SHANK2: variants seen among roughly 807,000 people sequenced by gnomAD.
The protein encoded by SHANK2 is SH3 and multiple ankyrin repeat domains protein 2.
A neutral mutation model predicts 133.7 loss-of-function variants in SHANK2; 43 were observed. That is an observed-to-expected ratio of 0.32 (90% confidence interval 0.25 to 0.41). The LOEUF is 0.41. Among genes scored for constraint, SHANK2 ranks in the 10% least tolerant of loss-of-function variants. The probability of loss-of-function intolerance (pLI) is 1.00; values close to 1 mark genes in which losing one functional copy is unlikely to be tolerated. For missense variants in SHANK2, 1,994 were observed against 2,235.8 expected (o/e 0.89, Z 2.18); for synonymous variants, 1,017 against 952.8 (o/e 1.07, Z -1.24).
intron 10 of SHANK2, chr11:70,948,417 C>T (rs186258818): frequency 1.2e-4 from 54 of 456,292 alleles, no homozygotes; most frequent in African/African-American, 7.2e-4. Flanking sequence ...ATAATGAATT[C>T]GATCCCTGAT....
At chr11:71,094,950 G>A (rs569372824) in intron 6 of SHANK2, among the ~76,000 whole-genome samples, 31 of 152,322 alleles carry the variant, frequency 2.0e-4, no homozygotes, top group Middle Eastern at 3.4e-3. Flanking sequence ...CTGCTGTGTG[G>A]GCCACAGTCC....
At chr11:71,201,050 G>A (rs188834357) in intron 2 of SHANK2, among the ~76,000 whole-genome samples, 93 of 152,100 alleles carry the variant, frequency 6.1e-4, no homozygotes, top group African/African-American at 2.1e-3. Flanking sequence ...GACCTCCCCC[G>A]AGCCATCAAA....
intron 17 of SHANK2, among the ~76,000 whole-genome samples, chr11:70,575,872 C>T (rs1386131574): frequency 6.6e-6 from 1 of 151,752 alleles, no homozygotes; most frequent in African/African-American, 2.4e-5. Context: ...TTCCTCGGAG[C>T]TAGGCTGGGG....
intron 11 of SHANK2, among the ~76,000 whole-genome samples, chr11:70,876,243 GACACACAC>G (rs3064243): frequency 2.5e-4 from 34 of 134,932 alleles, no homozygotes; most frequent in South Asian, 2.6e-4. Flanking sequence ...CACACATATA[GACACACAC>G]ACACACACAC....
At chr11:70,594,348 C>A (rs1280477897) in intron 17 of SHANK2, among the ~76,000 whole-genome samples, 1 of 152,320 alleles carries the variant, frequency 6.6e-6, no homozygotes. Context: ...AGGACCCCAG[C>A]ACAGACCCAA....
intron 17 of SHANK2, among the ~76,000 whole-genome samples, chr11:70,625,769 G>A (rs1312947707): frequency 6.2e-5 from 9 of 146,140 alleles, no homozygotes; most frequent in Non-Finnish European, 1.0e-4. Context: ...CCCAAGCTGG[G>A]GGAAATCTCA....
chr11:70,814,519 C>T (rs1182939784), intron 12 of SHANK2, among the ~76,000 whole-genome samples: 4 of 152,172 alleles, frequency 2.6e-5, no homozygotes, highest in African/African-American at 7.2e-5. Flanking sequence ...TGTCCCTGGG[C>T]GGCCAAGGCC....
rs552480880 is a variant in SHANK2 at position 71,237,660 on chromosome 11, G to T, written c.-112-12864C>A. The stretch of plus-strand genomic sequence containing the variant: ...TTACAGGGAGGTTCCGGCAAAGCAG[G>T]AGTTAATCCTGTTTGTCTAACACCA... On this transcript the variant is annotated intron_variant, in intron 1 of 25. Coordinates refer to ENST00000601538, the MANE Select transcript of SHANK2 (RefSeq NM_012309.5). 1.1e-3 allele frequency among the ~76,000 whole-genome samples: 168 copies of T among 152,288 alleles called. 1 individual carries two copies. Among genetic ancestry groups the T allele is most frequent in the Non-Finnish European group, 6.8e-4 (46 of 68,030 alleles).
At chr11:70,788,966 T>C (rs1287097726) in intron 14 of SHANK2, among the ~76,000 whole-genome samples, 1 of 152,132 alleles carries the variant, frequency 6.6e-6, no homozygotes, top group Non-Finnish European at 1.5e-5. Context: ...TGCCCATTAG[T>C]CCTTGGGGTG....
chr11:71,164,093 AC>A (rs1953088194), intron 2 of SHANK2, among the ~76,000 whole-genome samples: 1 of 152,124 alleles, frequency 6.6e-6, no homozygotes, highest in East Asian at 1.9e-4. Context: ...ATTTTCAGGT[AC>A]CCTGTGTTTG....
intron 6 of SHANK2, among the ~76,000 whole-genome samples, chr11:71,095,316 T>A (rs1555095146): frequency 6.6e-6 from 1 of 152,220 alleles, no homozygotes; most frequent in African/African-American, 2.4e-5. Flanking sequence ...CCCGTGCAGA[T>A]GACCCTGGAC....
chr11:71,204,234 C>CA (rs148030967), intron 2 of SHANK2, among the ~76,000 whole-genome samples: 37,468 of 151,408 alleles, frequency 0.25, 5,371 homozygotes, highest in East Asian at 0.42. Flanking sequence ...GATGTAAATC[C>CA]AAAAAAAACC....
intron 14 of SHANK2, among the ~76,000 whole-genome samples, chr11:70,732,712 C>T (rs1427570016): frequency 6.6e-6 from 1 of 152,254 alleles, no homozygotes; most frequent in Non-Finnish European, 1.5e-5. Context: ...CATGCCCTTG[C>T]TTCTGTCCGG....
chr11:70,645,786 C>T (rs900154495), intron 17 of SHANK2, among the ~76,000 whole-genome samples: 8 of 151,690 alleles, frequency 5.3e-5, no homozygotes, highest in Admixed American at 2.0e-4. Context: ...AGTCCAGCAT[C>T]GGGGTGGCCA....
chr11:70,480,196 C>T (rs1040285429), intron 25 of SHANK2, among the ~76,000 whole-genome samples: 8 of 152,378 alleles, frequency 5.3e-5, no homozygotes, highest in Non-Finnish European at 8.8e-5. Flanking sequence ...GCACAGAAGG[C>T]ACTTTCTGGC....
intron 17 of SHANK2, chr11:70,631,052 G>A (rs909283281): frequency 6.6e-6 from 1 of 152,410 alleles, no homozygotes; most frequent in Middle Eastern, 3.4e-3. Context: ...GACCCACAAA[G>A]GGCTGTGGCA....
At chr11:71,161,969 TG>T (rs1369988447) in intron 2 of SHANK2, among the ~76,000 whole-genome samples, 1 of 152,190 alleles carries the variant, frequency 6.6e-6, no homozygotes, top group Non-Finnish European at 1.5e-5. Flanking sequence ...TCCTCAAATC[TG>T]GTAGACAGTG....
At chr11:70,645,298 C>A (rs149570752) in intron 17 of SHANK2, among the ~76,000 whole-genome samples, 1 of 152,178 alleles carries the variant, frequency 6.6e-6, no homozygotes, top group African/African-American at 2.4e-5. Context: ...CTGCTCAATG[C>A]CAGAATCCCG....
At position 70,880,894 on chromosome 11, in the gene SHANK2, G is replaced by A. The variant is rs572981738; in HGVS notation, c.1174+15607C>T. On this transcript the variant is annotated intron_variant, in intron 11 of 25. Coordinates refer to ENST00000601538, the MANE Select transcript of SHANK2 (RefSeq NM_012309.5). Reference sequence around the variant, plus strand: ...GCAGAATCTCCAAGGGGGATTTCTCGCTGGGTCTGTGAGTCATGAGACTAA... The same window carrying A: ...GCAGAATCTCCAAGGGGGATTTCTCACTGGGTCTGTGAGTCATGAGACTAA... Among the ~76,000 whole-genome samples the A allele has an allele frequency of 2.0e-5, 3 of 152,342 alleles. No homozygotes were observed. The East Asian group carries it at 5.8e-4, about 29-fold the overall frequency.
Sources: gnomAD v4.1 joint callset for allele counts (sites outside exome capture counted in the v4.1 genomes callset) on GRCh38, gnomAD v4.1.1 for gene constraint, MANE v1.5 for transcripts, NCBI Gene and HGNC (gene_info 2026-07-23, HGNC 2026-07-21) for gene names.